Variants in PLCB4 observed in about 807,000 individuals in gnomAD.
PLCB4 encodes 1-phosphatidylinositol 4,5-bisphosphate phosphodiesterase beta-4.
In PLCB4, 77 loss-of-function variants were observed where a neutral mutation model predicts 178.8. The ratio of observed to expected loss-of-function variants is 0.43; its 90% confidence interval spans 0.36 to 0.52. The LOEUF (loss-of-function observed/expected upper bound fraction) is 0.52. Among genes scored for constraint, PLCB4 ranks in the 20% least tolerant of loss-of-function variants. The probability of loss-of-function intolerance (pLI) is 0.00; values close to 1 mark genes in which losing one functional copy is unlikely to be tolerated. For synonymous variants in PLCB4, 496 were observed against 490.8 expected (o/e 1.01, Z -0.14); for missense variants, 1,024 against 1,453.4 (o/e 0.70, Z 4.80).
Position 9,365,557 on chromosome 20 carries a change from G to A in PLCB4, c.503+43G>A, listed in dbSNP as rs367564789. The A allele has an allele frequency of 3.2e-5, 39 of 1,200,278 alleles. No homozygotes were observed. The African/African-American group carries it at 3.4e-4, about 11-fold the overall frequency. 74.4% of individuals were successfully genotyped at this position (1,200,278 alleles called of 1,614,324 possible). A position where few individuals can be genotyped will look rare whatever the true frequency, so the allele number is the denominator to read the frequency against. On this transcript the variant is annotated intron_variant, in intron 9 of 39. Coordinates refer to ENST00000378473, the MANE Select transcript of PLCB4 (RefSeq NM_001377142.1). Reference sequence around the variant, plus strand: ...TCTGCTGTCCGTGTCCCGGGTCAACGCTTGTCATCCCAAACCAAAGAGAGA... The same window carrying A: ...TCTGCTGTCCGTGTCCCGGGTCAACACTTGTCATCCCAAACCAAAGAGAGA...
At chr20:9,385,871 G>A (rs865846372) in intron 14 of PLCB4, among the ~76,000 whole-genome samples, 17 of 152,362 alleles carry the variant, frequency 1.1e-4, no homozygotes, top group Middle Eastern at 3.4e-3. Context: ...GGCAGAGGCT[G>A]TAATCTTAGC....
chr20:9,394,574 A>T (rs2148431966), intron 18 of PLCB4, among the ~76,000 whole-genome samples: 1 of 152,266 alleles, frequency 6.6e-6, no homozygotes, highest in Non-Finnish European at 1.5e-5. Flanking sequence ...CACTATATAG[A>T]ATTTAATATA....
chr20:9,188,521 A>C (rs1296708281), intron 2 of PLCB4, among the ~76,000 whole-genome samples: 6 of 138,500 alleles, frequency 4.3e-5, no homozygotes, highest in East Asian at 2.1e-4. Flanking sequence ...GAGGGCTGTC[A>C]TATAGTGACA....
At chr20:9,246,487 T>G (rs1254502866) in intron 3 of PLCB4, among the ~76,000 whole-genome samples, 1 of 152,198 alleles carries the variant, frequency 6.6e-6, no homozygotes, top group Non-Finnish European at 1.5e-5. Context: ...AAAGTTTGCT[T>G]TCAAATATTA....
rs138244065 is a variant in PLCB4 at position 9,415,067 on chromosome 20, C to A, written c.2051+3979C>A. 2.6e-3 allele frequency among the ~76,000 whole-genome samples: 392 copies of A among 152,212 alleles called. 5 individuals are homozygous for A. The highest frequency in any genetic ancestry group is 9.2e-3 in the African/African-American group (383 of 41,510). ...ATTAGGCATAGTAAGAGATTAACAT[C>A]AATGACTAATAATGGAACAGTTATA... On this transcript the variant is annotated intron_variant, in intron 25 of 39. Transcript: ENST00000378473.
rs372088166 is a variant in PLCB4, at chr20:9,451,740, CTG to C, written c.2881-1603_2881-1602del. ...ATAGTATAGATAGGTTTGTATGTCA[CTG>C]TGTTTTGAATAAGCTGTAACACACA... On this transcript the variant is annotated intron_variant, in intron 32 of 39. Transcript: ENST00000378473. Among the ~76,000 whole-genome samples the C allele has an allele frequency of 2.1e-3, 323 of 152,286 alleles. 1 individual carries two copies. Among genetic ancestry groups the C allele is most frequent in the African/African-American group, 7.4e-3 (307 of 41,566 alleles).
chr20:9,112,842 A>G (rs2091629575), intron 2 of PLCB4, among the ~76,000 whole-genome samples: 1 of 151,272 alleles, frequency 6.6e-6, no homozygotes, highest in Non-Finnish European at 1.5e-5. Context: ...CTGATTTTGC[A>G]TGCAAAAGCT....
At chr20:9,363,424 A>G (rs1264967547) in intron 8 of PLCB4, among the ~76,000 whole-genome samples, 2 of 152,222 alleles carry the variant, frequency 1.3e-5, no homozygotes, top group African/African-American at 2.4e-5. Context: ...CCCCAAGTGC[A>G]GTGCTCCTTG....
At chr20:9,338,357 A>G (rs1264046119) in intron 6 of PLCB4, among the ~76,000 whole-genome samples, 1 of 151,950 alleles carries the variant, frequency 6.6e-6, no homozygotes, top group Non-Finnish European at 1.5e-5. Flanking sequence ...TACAATCAAA[A>G]CTCTAAACAA....
At chr20:9,327,632 C>T (rs2030893488) in intron 4 of PLCB4, among the ~76,000 whole-genome samples, 1 of 151,714 alleles carries the variant, frequency 6.6e-6, no homozygotes, top group Admixed American at 6.6e-5. Flanking sequence ...AAAAATTAGC[C>T]AGACGTGGTG....
At position 9,423,768 on chromosome 20, in the gene PLCB4, T is replaced by G. The variant is rs2040811993; in HGVS notation, c.2340T>G (p.Ala780=). 6.2e-7 allele frequency: 1 copy of G among 1,613,774 alleles called. No individual in the cohort carries two copies. The highest frequency in any genetic ancestry group is 1.1e-5 in the South Asian group (1 of 91,018). Residue 780 remains alanine (A), a synonymous_variant, in exon 28 of 40, where the codon GCT becomes GCG. Transcript: ENST00000378473. The part of the protein sequence containing the change: ...VFRKVILPDL[A]VLRIAVYDDN... The stretch of plus-strand genomic sequence containing the variant: ...TGCAGGTGATCCTGCCGGACCTGGC[T>G]GTCTTGAGAATAGCTGTGTATGATG...
intron 19 of PLCB4, among the ~76,000 whole-genome samples, chr20:9,399,348 G>C (rs2038853849): frequency 6.6e-6 from 1 of 152,214 alleles, no homozygotes; most frequent in African/African-American, 2.4e-5. Flanking sequence ...GGTTGCCTCA[G>C]TAATACTTGG....
intron 3 of PLCB4, among the ~76,000 whole-genome samples, chr20:9,231,507 C>A (rs910148205): frequency 6.6e-6 from 1 of 152,062 alleles, no homozygotes; most frequent in Non-Finnish European, 1.5e-5. Flanking sequence ...AAGGGAGCCC[C>A]CCCATCTAAT....
At position 9,092,760 on chromosome 20, in the gene PLCB4, A is replaced by G. The variant is rs140896496; in HGVS notation, c.-134-3527A>G. On this transcript the variant is annotated intron_variant, in intron 1 of 39. Coordinates refer to ENST00000378473, the MANE Select transcript of PLCB4 (RefSeq NM_001377142.1). ...TATCATTTAGCATTTATTTGTCTTCATAGGTGTGAGATGGCTCTGCACCAC... is the reference window on the plus strand; with the variant it reads ...TATCATTTAGCATTTATTTGTCTTCGTAGGTGTGAGATGGCTCTGCACCAC... Among the ~76,000 whole-genome samples, 547 of 152,218 alleles carry G rather than the reference A, an allele frequency of 3.6e-3. 5 individuals are homozygous for G. Among genetic ancestry groups the G allele is most frequent in the African/African-American group, 0.013 (530 of 41,532 alleles).
At chr20:9,170,961 G>T (rs947098282) in intron 2 of PLCB4, among the ~76,000 whole-genome samples, 1 of 152,144 alleles carries the variant, frequency 6.6e-6, no homozygotes, top group African/African-American at 2.4e-5. Flanking sequence ...GCACCATAAA[G>T]TTGTTTAGGG....
intron 1 of PLCB4, among the ~76,000 whole-genome samples, chr20:9,088,835 A>G (rs940366638): frequency 1.3e-5 from 2 of 152,164 alleles, no homozygotes; most frequent in African/African-American, 4.8e-5. Flanking sequence ...TCATATAGGT[A>G]TATTCATAAA....
chr20:9,264,589 G>A (rs1308145784), intron 3 of PLCB4, among the ~76,000 whole-genome samples: 1 of 152,160 alleles, frequency 6.6e-6, no homozygotes, highest in Non-Finnish European at 1.5e-5. Flanking sequence ...GAAGCCAATT[G>A]CTGTAATGCA....
Position 9,480,200 on chromosome 20 carries a change from T to G in PLCB4, c.*1191T>G, listed in dbSNP as rs1023352208. 1.4e-4 allele frequency: 21 copies of G among 152,654 alleles called. No homozygotes were observed. Among genetic ancestry groups the G allele is most frequent in the Non-Finnish European group, 2.9e-4 (20 of 68,050 alleles). The allele number at this position is 152,654 out of a possible 1,614,324, so 9.5% of individuals were successfully genotyped here. A position where few individuals can be genotyped will look rare whatever the true frequency, so the allele number is the denominator to read the frequency against. On this transcript the variant is annotated 3_prime_UTR_variant, in exon 40 of 40. Transcript: ENST00000378473. The stretch of plus-strand genomic sequence containing the variant: ...TTTGCTACAGTGTTAATCTGCATGG[T>G]CTTTAAGCCTGCTGTAGTTGAGTTG...
intron 17 of PLCB4, among the ~76,000 whole-genome samples, chr20:9,393,090 A>G (rs1413071749): frequency 6.6e-6 from 1 of 152,146 alleles, no homozygotes; most frequent in Non-Finnish European, 1.5e-5. Flanking sequence ...TGATTCCCTT[A>G]TCAAACCTAC....
Sources: allele counts gnomAD v4.1 joint callset (sites outside exome capture counted in the v4.1 genomes callset), GRCh38; gene constraint gnomAD v4.1.1; transcripts MANE v1.5; gene names NCBI Gene and HGNC (gene_info 2026-07-23, HGNC 2026-07-21).